ALK: variants seen among roughly 807,000 people sequenced by gnomAD.
The protein encoded by ALK is ALK receptor tyrosine kinase, also known as ALK tyrosine kinase receptor.
Under a neutral mutation model 163.1 loss-of-function variants are expected in ALK, and 74 were observed. The observed-to-expected ratio is 0.45, with a 90% CI of 0.38 to 0.55. The LOEUF (loss-of-function observed/expected upper bound fraction) is 0.55. Among genes scored for constraint, ALK ranks in the 20% least tolerant of loss-of-function variants. The probability of loss-of-function intolerance (pLI) is 0.00; values close to 1 mark genes in which losing one functional copy is unlikely to be tolerated. For missense variants in ALK, 2,063 were observed against 2,105.3 expected (o/e 0.98, Z 0.39); for synonymous variants, 960 against 843.2 (o/e 1.14, Z -2.40).
At chr2:29,764,324 G>C (rs571331990) in intron 1 of ALK, among the ~76,000 whole-genome samples, 6 of 152,232 alleles carry the variant, frequency 3.9e-5, no homozygotes, top group African/African-American at 1.4e-4. Flanking sequence ...CTAGTTGTAT[G>C]CTGGATCCTC....
intron 1 of ALK, among the ~76,000 whole-genome samples, chr2:29,782,029 G>A (rs913223368): frequency 3.9e-5 from 6 of 152,132 alleles, no homozygotes; most frequent in African/African-American, 1.4e-4. Flanking sequence ...TATTAACTGA[G>A]GTGCTTTTTA....
chr2:29,216,952 GAT>G (rs1491313172), intron 23 of ALK, among the ~76,000 whole-genome samples: 6 of 79,002 alleles, frequency 7.6e-5, no homozygotes, highest in African/African-American at 1.2e-4. Flanking sequence ...TGTGGCATGT[GAT>G]GTGTGTGTGG....
chr2:29,808,808 C>T (rs986726136), intron 1 of ALK, among the ~76,000 whole-genome samples: 1 of 152,206 alleles, frequency 6.6e-6, no homozygotes, highest in African/African-American at 2.4e-5. Context: ...CACATCCATA[C>T]ACAATTGCAT....
intron 3 of ALK, among the ~76,000 whole-genome samples, chr2:29,604,869 A>G (rs1675496985): frequency 1.3e-5 from 2 of 152,220 alleles, no homozygotes; most frequent in Non-Finnish European, 2.9e-5. Flanking sequence ...AGAGCTATAC[A>G]AAGGTGGCAT....
At chr2:29,900,338 G>C (rs1385205476) in intron 1 of ALK, among the ~76,000 whole-genome samples, 2 of 152,236 alleles carry the variant, frequency 1.3e-5, no homozygotes, top group African/African-American at 2.4e-5. Flanking sequence ...AGACCAGGCA[G>C]TGACCATATA....
rs571645102 is a variant in ALK, at chr2:29,558,628, C to T, written c.953-26512G>A. ...AAGGTCCATTTAAGGGTCACCTCCTCTGGGATGACTTTTCCAACTTCCTCA... is the reference window on the plus strand; with the variant it reads ...AAGGTCCATTTAAGGGTCACCTCCTTTGGGATGACTTTTCCAACTTCCTCA... On this transcript the variant is annotated intron_variant, in intron 3 of 28. Coordinates refer to ENST00000389048, the MANE Select transcript of ALK (RefSeq NM_004304.5). Among the ~76,000 whole-genome samples the T allele has an allele frequency of 1.1e-4, 16 of 152,220 alleles. No individual in the cohort carries two copies. The South Asian group carries it at 3.3e-3, about 32-fold the overall frequency.
chr2:29,428,549 A>T (rs1670199300), intron 4 of ALK, among the ~76,000 whole-genome samples: 1 of 152,002 alleles, frequency 6.6e-6, no homozygotes, highest in Admixed American at 6.6e-5. Context: ...ATAGACACAA[A>T]CTACTGAAAC....
At position 29,888,265 on chromosome 2, in the gene ALK, A is replaced by ATTTTTTT. The variant is rs1343022563; in HGVS notation, c.667+31727_667+31728insAAAAAAA. 4.2e-3 allele frequency among the ~76,000 whole-genome samples: 212 copies of ATTTTTTT among 49,890 alleles called. 2 individuals carry two copies. Among genetic ancestry groups the ATTTTTTT allele is most frequent in the African/African-American group, 8.2e-3 (108 of 13,250 alleles). The allele number at this position is 49,890 out of a possible 152,430, so 32.7% of individuals were successfully genotyped here. A position where few individuals can be genotyped will look rare whatever the true frequency, so the allele number is the denominator to read the frequency against. On this transcript the variant is annotated intron_variant, in intron 1 of 28. Transcript: ENST00000389048. Reference sequence around the variant, plus strand: ...TAAATTGTTTTTTTTTTTTTTTAAAAAAAGGGAAACTATGTATTAAGCTAA... The same window carrying ATTTTTTT: ...TAAATTGTTTTTTTTTTTTTTTAAAATTTTTTTAAAGGGAAACTATGTATTAAGCTAA...
At chr2:29,394,174 G>C (rs1465025996) in intron 4 of ALK, among the ~76,000 whole-genome samples, 1 of 152,072 alleles carries the variant, frequency 6.6e-6, no homozygotes, top group Non-Finnish European at 1.5e-5. Context: ...AAGGATCTAA[G>C]TTGATTCCCA....
intron 11 of ALK, among the ~76,000 whole-genome samples, chr2:29,270,797 A>G (rs1374955492): frequency 2.0e-5 from 3 of 152,090 alleles, no homozygotes; most frequent in African/African-American, 7.2e-5. Flanking sequence ...TGATGCCATT[A>G]ACACAAGAGT....
intron 3 of ALK, among the ~76,000 whole-genome samples, chr2:29,693,817 C>T (rs1678472820): frequency 6.6e-6 from 1 of 152,164 alleles, no homozygotes; most frequent in African/African-American, 2.4e-5. Flanking sequence ...TGGGACTCAT[C>T]ACAGCAAGTA....
chr2:29,508,188 G>A (rs753411796), intron 4 of ALK, among the ~76,000 whole-genome samples: 39 of 152,072 alleles, frequency 2.6e-4, no homozygotes, highest in Non-Finnish European at 4.3e-4. Context: ...GAAAGTACAC[G>A]TGGACCCTCT....
intron 5 of ALK, among the ~76,000 whole-genome samples, chr2:29,331,447 G>C (rs957634615): frequency 6.6e-6 from 1 of 152,188 alleles, no homozygotes; most frequent in Non-Finnish European, 1.5e-5. Context: ...CATATTCTCA[G>C]ACAAACACAC....
At chr2:29,641,474 A>T (rs1391777621) in intron 3 of ALK, among the ~76,000 whole-genome samples, 5 of 152,142 alleles carry the variant, frequency 3.3e-5, no homozygotes, top group Admixed American at 2.0e-4. Flanking sequence ...AGCCCCTGGG[A>T]AAAACAGGGG....
chr2:29,866,342 C>A (rs1666433901), intron 1 of ALK, among the ~76,000 whole-genome samples: 1 of 152,128 alleles, frequency 6.6e-6, no homozygotes, highest in Admixed American at 6.5e-5. Context: ...GGCAGTCAGC[C>A]CATCCATGTT....
chr2:29,724,608 G>C (rs1160251872), intron 1 of ALK, among the ~76,000 whole-genome samples: 3 of 152,210 alleles, frequency 2.0e-5, no homozygotes, highest in African/African-American at 7.2e-5. Context: ...AGAGAAAGGA[G>C]AGAGTTTGCA....
chr2:29,727,485 G>C (rs972017104), intron 1 of ALK, among the ~76,000 whole-genome samples: 1 of 152,090 alleles, frequency 6.6e-6, no homozygotes, highest in Non-Finnish European at 1.5e-5. Flanking sequence ...CGTGACCTTG[G>C]GTAAGCTGCT....
chr2:29,276,287 T>A (rs982362935), intron 9 of ALK, among the ~76,000 whole-genome samples: 1 of 152,154 alleles, frequency 6.6e-6, no homozygotes, highest in African/African-American at 2.4e-5. Context: ...AACAAACCCA[T>A]TAAGATATTG....
At chr2:29,264,879 T>C (rs1285573593) in intron 11 of ALK, among the ~76,000 whole-genome samples, 1 of 152,126 alleles carries the variant, frequency 6.6e-6, no homozygotes, top group African/African-American at 2.4e-5. Context: ...TTACGCATGA[T>C]TGGAAGGGGT....
Sources: allele counts gnomAD v4.1 joint callset (sites outside exome capture counted in the v4.1 genomes callset), GRCh38; gene constraint gnomAD v4.1.1; transcripts MANE v1.5; gene names NCBI Gene and HGNC (gene_info 2026-07-23, HGNC 2026-07-21).